Variants in PCCA observed in about 807,000 individuals in gnomAD.
The protein encoded by PCCA is propionyl-CoA carboxylase alpha chain, mitochondrial.
Under a neutral mutation model 101.3 loss-of-function variants are expected in PCCA, and 74 were observed. The observed-to-expected ratio is 0.73, with a 90% CI of 0.61 to 0.89. The LOEUF is 0.89. PCCA is among the 40% of genes least tolerant of loss of function. The pLI is 0.00. For synonymous variants in PCCA, 294 were observed against 313.6 expected (o/e 0.94, Z 0.66); for missense variants, 891 against 907.0 (o/e 0.98, Z 0.23).
chr13:100,269,409 C>T (rs1039411278), intron 11 of PCCA, among the ~76,000 whole-genome samples: 4 of 152,088 alleles, frequency 2.6e-5, no homozygotes, highest in African/African-American at 9.7e-5. Context: ...AGATATATGC[C>T]TTCTAGACTT....
intron 12 of PCCA, among the ~76,000 whole-genome samples, chr13:100,288,022 C>T (rs368495775): frequency 2.6e-5 from 4 of 152,046 alleles, no homozygotes; most frequent in Admixed American, 6.6e-5. Context: ...TTAAGATTAT[C>T]GATTGTTTTA....
intron 19 of PCCA, among the ~76,000 whole-genome samples, chr13:100,405,123 A>ACT (rs1318789873): frequency 6.6e-6 from 1 of 152,130 alleles, no homozygotes; most frequent in African/African-American, 2.4e-5. Flanking sequence ...CACCCAGATA[A>ACT]CTGGTGACTG....
chr13:100,377,090 G>A (rs150894156), intron 19 of PCCA, among the ~76,000 whole-genome samples: 1,595 of 152,236 alleles, frequency 0.01, 33 homozygotes, highest in African/African-American at 0.036. Flanking sequence ...TGTGCTGCCC[G>A]GGTGAGGCAA....
chr13:100,143,072 T>C (rs1215362047), intron 4 of PCCA, among the ~76,000 whole-genome samples: 1 of 152,196 alleles, frequency 6.6e-6, no homozygotes, highest in Non-Finnish European at 1.5e-5. Flanking sequence ...CTTCTGTTTT[T>C]CAATCCTGCT....
chr13:100,321,591 CTGTGTGTG>C (rs35931512), intron 16 of PCCA, among the ~76,000 whole-genome samples: 4,466 of 131,886 alleles, frequency 0.034, 81 homozygotes, highest in Middle Eastern at 0.077. Context: ...TATAGAAGAT[CTGTGTGTG>C]TGTGTGTGTG....
chr13:100,309,495 A>C (rs1234983415), intron 15 of PCCA, among the ~76,000 whole-genome samples: 1 of 152,162 alleles, frequency 6.6e-6, no homozygotes, highest in African/African-American at 2.4e-5. Flanking sequence ...TCTAATCCTC[A>C]CCACTACCCT....
At chr13:100,379,672 A>G (rs554154892) in intron 19 of PCCA, among the ~76,000 whole-genome samples, 3 of 152,270 alleles carry the variant, frequency 2.0e-5, no homozygotes, top group Admixed American at 2.0e-4. Context: ...GGAAGAGCAG[A>G]GGGACATCTT....
chr13:100,302,871 C>A, intron 13 of PCCA, 53 bp from the exon 14 acceptor site: 1 of 985,800 alleles, frequency 1.0e-6, no homozygotes, highest in Non-Finnish European at 1.6e-6. Context: ...TTTAACCTTA[C>A]TTGTGCTGAT....
intron 12 of PCCA, among the ~76,000 whole-genome samples, chr13:100,288,321 G>A (rs1211305266): frequency 2.6e-5 from 4 of 152,048 alleles, no homozygotes; most frequent in African/African-American, 4.8e-5. Flanking sequence ...TTAGAGAGAG[G>A]GGTCTTACTC....
At chr13:100,090,372 A>G (rs1264855831) in intron 1 of PCCA, among the ~76,000 whole-genome samples, 1 of 152,074 alleles carries the variant, frequency 6.6e-6, no homozygotes, top group Non-Finnish European at 1.5e-5. Context: ...CATTCTGTTC[A>G]TCTGTGTTGG....
At chr13:100,206,729 C>T (rs187023081) in intron 6 of PCCA, among the ~76,000 whole-genome samples, 2 of 152,278 alleles carry the variant, frequency 1.3e-5, no homozygotes, top group African/African-American at 2.4e-5. Context: ...AGCAGAAGCA[C>T]GAAGGTCTCT....
chr13:100,193,488 A>G (rs966735948), intron 6 of PCCA, among the ~76,000 whole-genome samples: 18 of 152,370 alleles, frequency 1.2e-4, no homozygotes, highest in Admixed American at 4.6e-4. Flanking sequence ...AATCTATAAA[A>G]TGGTTTTTTA....
chr13:100,471,234 A>G (rs566572181), intron 21 of PCCA, among the ~76,000 whole-genome samples: 3 of 152,330 alleles, frequency 2.0e-5, no homozygotes, highest in Non-Finnish European at 4.4e-5. Context: ...AGCAGTCAGA[A>G]CACACACAAC....
chr13:100,150,412 T>G (rs1204009578), intron 4 of PCCA: 5 of 371,728 alleles, frequency 1.3e-5, no homozygotes, highest in African/African-American at 1.1e-4. Flanking sequence ...TTTTTATCAT[T>G]GTATATGTTT....
chr13:100,413,933 A>G (rs920209758), intron 19 of PCCA, among the ~76,000 whole-genome samples: 1 of 152,180 alleles, frequency 6.6e-6, no homozygotes, highest in Non-Finnish European at 1.5e-5. Flanking sequence ...AATCCAAAAG[A>G]AACTACTACT....
At chr13:100,430,924 T>C (rs1446344915) in intron 20 of PCCA, among the ~76,000 whole-genome samples, 1 of 152,232 alleles carries the variant, frequency 6.6e-6, no homozygotes, top group Admixed American at 6.5e-5. Flanking sequence ...GCACTTTGTA[T>C]GTATGAATGC....
At chr13:100,346,433 T>G (rs1179024328) in intron 18 of PCCA, among the ~76,000 whole-genome samples, 1 of 152,252 alleles carries the variant, frequency 6.6e-6, no homozygotes, top group Admixed American at 6.5e-5. Context: ...ACTCAGTTGC[T>G]GCAATCTCGT....
chr13:100,320,905 C>G (rs541999237), intron 16 of PCCA, among the ~76,000 whole-genome samples: 115 of 152,182 alleles, frequency 7.6e-4, no homozygotes, highest in African/African-American at 2.5e-3. Context: ...ATGTGCCACC[C>G]TACGCGGCTA....
At chr13:100,447,085 C>A (rs193254494) in intron 20 of PCCA, among the ~76,000 whole-genome samples, 101 of 152,206 alleles carry the variant, frequency 6.6e-4, no homozygotes, top group African/African-American at 2.2e-3. Flanking sequence ...AGGATAAATT[C>A]TTAGAAGTAA....
Sources: gnomAD v4.1 joint callset for allele counts (sites outside exome capture counted in the v4.1 genomes callset) on GRCh38, gnomAD v4.1.1 for gene constraint, MANE v1.5 for transcripts, NCBI Gene and HGNC (gene_info 2026-07-23, HGNC 2026-07-21) for gene names.